ODAD2: variants seen among roughly 807,000 people sequenced by gnomAD.
ODAD2 encodes outer dynein arm-docking complex subunit 2.
In ODAD2, 89 loss-of-function variants were observed where a neutral mutation model predicts 106.8. That is an observed-to-expected ratio of 0.83 (90% CI 0.70 to 0.99). The LOEUF is 0.99. Among genes scored for constraint, ODAD2 ranks in the 50% least tolerant of loss-of-function variants. The pLI, the probability that ODAD2 is intolerant of heterozygous loss-of-function variation, is 0.00. For synonymous variants in ODAD2, 404 were observed against 436.2 expected (o/e 0.93, Z 0.92); for missense variants, 1,168 against 1,238.5 (o/e 0.94, Z 0.85).
At chr10:27,990,619 G>C (rs1305494691) in intron 2 of ODAD2, among the ~76,000 whole-genome samples, 4 of 152,198 alleles carry the variant, frequency 2.6e-5, no homozygotes, top group African/African-American at 9.7e-5. Context: ...CTACTACTGT[G>C]ACTTAGAAAT....
intron 6 of ODAD2, among the ~76,000 whole-genome samples, chr10:27,983,207 A>C (rs1017273242): frequency 2.0e-5 from 3 of 152,200 alleles, no homozygotes; most frequent in African/African-American, 7.2e-5. Context: ...AAATATCACT[A>C]TCAGTCATCC....
chr10:27,994,215 A>G (rs371848440), intron 2 of ODAD2, among the ~76,000 whole-genome samples: 2 of 152,018 alleles, frequency 1.3e-5, no homozygotes. Context: ...CTCTAATCTG[A>G]GGACACCAGT....
intron 17 of ODAD2, among the ~76,000 whole-genome samples, chr10:27,887,494 CA>C (rs1288935679): frequency 5.3e-5 from 8 of 151,946 alleles, no homozygotes; most frequent in Non-Finnish European, 1.0e-4. Context: ...TGGACACATA[CA>C]AAACACCCCA....
intron 16 of ODAD2, among the ~76,000 whole-genome samples, chr10:27,917,680 G>C (rs76808616): frequency 0.024 from 3,659 of 151,970 alleles, 52 homozygotes; most frequent in Non-Finnish European, 0.038. Context: ...AGGCTTTGTA[G>C]GTAACATATA....
chr10:27,846,943 C>G (rs1050616457), intron 19 of ODAD2, among the ~76,000 whole-genome samples: 6 of 152,090 alleles, frequency 3.9e-5, no homozygotes, highest in Non-Finnish European at 7.4e-5. Flanking sequence ...AGCCTACCAA[C>G]CAAAAAAATT....
chr10:27,893,966 A>C (rs1258812883), intron 17 of ODAD2, among the ~76,000 whole-genome samples: 1 of 152,102 alleles, frequency 6.6e-6, no homozygotes. Context: ...CCTGGGCAAC[A>C]GAGCAAGACC....
chr10:27,893,899 C>T (rs1227226314), intron 17 of ODAD2, among the ~76,000 whole-genome samples: 1 of 151,978 alleles, frequency 6.6e-6, no homozygotes, highest in Non-Finnish European at 1.5e-5. Context: ...CCTGTAATCC[C>T]AGTGCTTTGG....
chr10:27,828,500 A>G (rs1286643083), intron 19 of ODAD2, among the ~76,000 whole-genome samples: 2 of 152,228 alleles, frequency 1.3e-5, no homozygotes, highest in African/African-American at 4.8e-5. Flanking sequence ...AACTACAGGT[A>G]AGTTTGTAGG....
chr10:27,856,839 T>G (rs1002724860), intron 19 of ODAD2, among the ~76,000 whole-genome samples: 1 of 151,834 alleles, frequency 6.6e-6, no homozygotes, highest in Non-Finnish European at 1.5e-5. Context: ...TCATGGCGGG[T>G]GCCTGTAATC....
At chr10:27,929,926 G>C (rs992284083) in intron 16 of ODAD2, among the ~76,000 whole-genome samples, 3 of 152,034 alleles carry the variant, frequency 2.0e-5, no homozygotes, top group Non-Finnish European at 4.4e-5. Flanking sequence ...TTGAGATAAA[G>C]ACTCACAGCA....
At position 27,972,988 on chromosome 10, in the gene ODAD2, T is replaced by C. The variant is rs544298261; in HGVS notation, c.937-1675A>G. 7.2e-4 allele frequency among the ~76,000 whole-genome samples: 110 copies of C among 152,088 alleles called. 1 individual carries two copies. The highest frequency in any genetic ancestry group is 2.6e-3 in the African/African-American group (109 of 41,482). On this transcript the variant is annotated intron_variant, in intron 7 of 19. Coordinates refer to ENST00000305242, the MANE Select transcript of ODAD2 (RefSeq NM_018076.5). ...TGTACAAGGAAAAAAATCACCAAAA[T>C]AGATCATATACTGGGCCATAAAATG...
intron 11 of ODAD2, 82 bp from the exon 12 acceptor site, chr10:27,944,513 T>C: frequency 7.9e-7 from 1 of 1,270,654 alleles, no homozygotes; most frequent in Non-Finnish European, 1.1e-6. Context: ...CTAAAATCCT[T>C]CCCCAGTTAA....
intron 19 of ODAD2, among the ~76,000 whole-genome samples, chr10:27,818,973 C>T (rs746625018): frequency 2.0e-5 from 3 of 152,142 alleles, no homozygotes; most frequent in Non-Finnish European, 4.4e-5. Flanking sequence ...CATCACTGAA[C>T]CTCTTAACCC....
intron 10 of ODAD2, among the ~76,000 whole-genome samples, chr10:27,952,689 T>G (rs1847443677): frequency 6.6e-6 from 1 of 152,144 alleles, no homozygotes; most frequent in African/African-American, 2.4e-5. Context: ...ACCAATTCAA[T>G]CAAAACTTCC....
chr10:27,817,316 C>T (rs1836215586), intron 19 of ODAD2, among the ~76,000 whole-genome samples: 1 of 152,040 alleles, frequency 6.6e-6, no homozygotes, highest in African/African-American at 2.4e-5. Context: ...TTGTTTATAC[C>T]TCACTTTACT....
At chr10:27,852,596 G>A (rs1839341208) in intron 19 of ODAD2, among the ~76,000 whole-genome samples, 1 of 152,128 alleles carries the variant, frequency 6.6e-6, no homozygotes, top group African/African-American at 2.4e-5. Context: ...TCCAAGAGGA[G>A]ATAGAAAAAG....
rs1844528604 is a variant in ODAD2, at chr10:27,918,208, A to G, written c.2496-10431T>C. Among the ~76,000 whole-genome samples, 3 of 151,994 alleles carry G rather than the reference A, an allele frequency of 2.0e-5. No homozygotes were observed. The East Asian group carries it at 5.8e-4, about 29-fold the overall frequency. On this transcript the variant is annotated intron_variant, in intron 16 of 19. Transcript: ENST00000305242. Reference sequence around the variant, plus strand: ...CATAAACCTGATACTAACACTTGACAAAGACATTACAAGGAAAGAAAACTA... The same window carrying G: ...CATAAACCTGATACTAACACTTGACGAAGACATTACAAGGAAAGAAAACTA...
At position 27,819,574 on chromosome 10, in the gene ODAD2, T is replaced by TAAA. The variant is rs56031733; in HGVS notation, c.3022-6952_3022-6950dup. On this transcript the variant is annotated intron_variant, in intron 19 of 19. Coordinates refer to ENST00000305242, the MANE Select transcript of ODAD2 (RefSeq NM_018076.5). ...GGCAACATAGTGAGACCCTGTCTCTTAAAAAAAAAAAAAAAAAAAAAAAAA... is the reference window on the plus strand; with the variant it reads ...GGCAACATAGTGAGACCCTGTCTCTTAAAAAAAAAAAAAAAAAAAAAAAAAAAA... Among the ~76,000 whole-genome samples, 94 of 73,982 alleles carry TAAA rather than the reference T, an allele frequency of 1.3e-3. 1 individual carries two copies. The highest frequency in any genetic ancestry group is 3.6e-3 in the African/African-American group (71 of 19,642). The allele number at this position is 73,982 out of a possible 152,430, so 48.5% of individuals were successfully genotyped here. A position where few individuals can be genotyped will look rare whatever the true frequency, so the allele number is the denominator to read the frequency against.
At chr10:27,995,475 T>G (rs4385792) in intron 1 of ODAD2, among the ~76,000 whole-genome samples, 1 of 151,804 alleles carries the variant, frequency 6.6e-6, no homozygotes, top group Non-Finnish European at 1.5e-5. Context: ...AAAACCCAAA[T>G]AGAAAACTCC....
Sources: gnomAD v4.1 joint callset for allele counts (sites outside exome capture counted in the v4.1 genomes callset) on GRCh38, gnomAD v4.1.1 for gene constraint, MANE v1.5 for transcripts, NCBI Gene and HGNC (gene_info 2026-07-23, HGNC 2026-07-21) for gene names.